ZFHX3: variants seen among roughly 807,000 people sequenced by gnomAD.
ZFHX3 encodes zinc finger homeobox 3, also known as zinc finger homeobox protein 3.
In ZFHX3, 42 loss-of-function variants were observed where a neutral mutation model predicts 279.1. The ratio of observed to expected loss-of-function variants is 0.15; its 90% CI spans 0.12 to 0.19. The LOEUF (loss-of-function observed/expected upper bound fraction) is 0.19. Among genes scored for constraint, ZFHX3 ranks in the 10% least tolerant of loss-of-function variants. The pLI is 1.00. For missense variants in ZFHX3, 4,981 were observed against 4,754.0 expected (o/e 1.05, Z -1.40); for synonymous variants, 2,293 against 1,957.8 (o/e 1.17, Z -4.52).
intron 4 of ZFHX3, among the ~76,000 whole-genome samples, chr16:73,303,192 T>G (rs146672201): frequency 9.2e-5 from 14 of 152,172 alleles, no homozygotes; most frequent in Non-Finnish European, 1.9e-4. Context: ...CCATGCCTGG[T>G]GAAGTTTTAA....
At chr16:72,872,221 T>TA (rs1218670373) in intron 4 of ZFHX3, among the ~76,000 whole-genome samples, 4 of 152,226 alleles carry the variant, frequency 2.6e-5, no homozygotes, top group Admixed American at 1.3e-4. Flanking sequence ...TATGCATATT[T>TA]CAGATGATAT....
chr16:73,268,414 G>A (rs760673338), intron 4 of ZFHX3, among the ~76,000 whole-genome samples: 6 of 152,156 alleles, frequency 3.9e-5, no homozygotes, highest in South Asian at 2.1e-4. Flanking sequence ...GTTACCCAGC[G>A]AGAGTCACGT....
At chr16:73,682,979 A>G (rs1216754437) in intron 1 of ZFHX3, among the ~76,000 whole-genome samples, 3 of 23,228 alleles carry the variant, frequency 1.3e-4, no homozygotes, top group African/African-American at 1.6e-4. Flanking sequence ...AGAAAGAAAG[A>G]AAGAAAGAAA....
At chr16:73,865,501 C>A (rs569551807) in intron 1 of ZFHX3, among the ~76,000 whole-genome samples, 1 of 152,288 alleles carries the variant, frequency 6.6e-6, no homozygotes, top group African/African-American at 2.4e-5. Context: ...GATCCCCTAA[C>A]CTCCCAACTC....
At chr16:73,284,985 C>A (rs2014556906) in intron 4 of ZFHX3, among the ~76,000 whole-genome samples, 1 of 152,312 alleles carries the variant, frequency 6.6e-6, no homozygotes, top group Non-Finnish European at 1.5e-5. Context: ...AGTCTACAGG[C>A]CTGCACCAGC....
intron 3 of ZFHX3, chr16:73,318,350 G>A (rs910719138): frequency 6.6e-6 from 1 of 152,134 alleles, no homozygotes; most frequent in African/African-American, 2.4e-5. Flanking sequence ...CACGTGTCCA[G>A]GTACAGAATT....
intron 2 of ZFHX3, among the ~76,000 whole-genome samples, chr16:73,606,142 A>C (rs191020889): frequency 1.4e-3 from 184 of 128,012 alleles, no homozygotes; most frequent in African/African-American, 5.0e-3. Context: ...AGATTGTGCC[A>C]CTGCACTCCA....
At chr16:73,443,364 T>C (rs1248477236) in intron 3 of ZFHX3, among the ~76,000 whole-genome samples, 1 of 152,214 alleles carries the variant, frequency 6.6e-6, no homozygotes, top group African/African-American at 2.4e-5. Flanking sequence ...ACTCAGAGAA[T>C]AATCAGAGTT....
chr16:73,357,540 T>C (rs776073720), intron 3 of ZFHX3, among the ~76,000 whole-genome samples: 3 of 152,160 alleles, frequency 2.0e-5, no homozygotes, highest in South Asian at 2.1e-4. Context: ...TGGGCCCTGT[T>C]ACAGATGAGC....
At chr16:73,833,678 A>T (rs1426580751) in intron 1 of ZFHX3, among the ~76,000 whole-genome samples, 1 of 151,804 alleles carries the variant, frequency 6.6e-6, no homozygotes, top group Non-Finnish European at 1.5e-5. Flanking sequence ...GGGTGCAGCA[A>T]ACCACCATGG....
intron 2 of ZFHX3, among the ~76,000 whole-genome samples, chr16:73,547,333 T>C (rs2020136141): frequency 6.6e-6 from 1 of 152,168 alleles, no homozygotes; most frequent in Non-Finnish European, 1.5e-5. Context: ...ACCTGTACTA[T>C]CAAAGCTAAT....
intron 1 of ZFHX3, among the ~76,000 whole-genome samples, chr16:73,876,057 C>T (rs890847699): frequency 2.0e-5 from 3 of 152,118 alleles, no homozygotes; most frequent in Non-Finnish European, 2.9e-5. Flanking sequence ...GACCCCAAAC[C>T]GTCCAGTGTC....
At chr16:73,523,985 T>C (rs2019649994) in intron 2 of ZFHX3, among the ~76,000 whole-genome samples, 1 of 152,176 alleles carries the variant, frequency 6.6e-6, no homozygotes, top group South Asian at 2.1e-4. Context: ...TTCCAGTAAA[T>C]AGTAGCCTTA....
At chr16:72,955,887 T>A (rs1398926169) in intron 2 of ZFHX3, among the ~76,000 whole-genome samples, 2 of 151,298 alleles carry the variant, frequency 1.3e-5, no homozygotes, top group African/African-American at 4.8e-5. Context: ...AAGATCTACC[T>A]CCCGAGATTC....
rs2035264199 is a variant in ZFHX3 at position 72,784,462 on chromosome 16, C to CACAT, written c.*2698_*2701dup. On this transcript the variant is annotated 3_prime_UTR_variant, in exon 10 of 10. Coordinates refer to ENST00000268489, the MANE Select transcript of ZFHX3 (RefSeq NM_006885.4). ...CTAGTGTTACATTGTTAACTGATAT[C>CACAT]ACATAGAGAACCAAAAACAAAAACA... 1 of 152,252 alleles carries CACAT rather than the reference C, an allele frequency of 6.6e-6. No individual in the cohort carries two copies. The highest frequency in any genetic ancestry group is 2.1e-4 in the South Asian group (1 of 4,818). The allele number at this position is 152,252 out of a possible 1,614,324, so 9.4% of individuals were successfully genotyped here. A position where few individuals can be genotyped will look rare whatever the true frequency, so the allele number is the denominator to read the frequency against.
In ZFHX3 at chr16:73,686,711, C is replaced by T. The variant is rs2053088595; in HGVS notation, c.-1607-6471G>A. Among the ~76,000 whole-genome samples the T allele has an allele frequency of 2.0e-5, 3 of 152,052 alleles. No homozygotes were observed. In the South Asian group the frequency reaches 6.2e-4, roughly 32 times the overall value. ...CCCTCAACAGACTGAACCCATTGTACTAACTATAAAAGCAGTCAGGCCTAG... is the reference window on the plus strand; with the variant it reads ...CCCTCAACAGACTGAACCCATTGTATTAACTATAAAAGCAGTCAGGCCTAG... On this transcript the variant is annotated intron_variant, in intron 1 of 17. Transcript: ENST00000641206.
At chr16:73,834,353 TGTAGA>T (rs1438346300) in intron 1 of ZFHX3, among the ~76,000 whole-genome samples, 5 of 152,200 alleles carry the variant, frequency 3.3e-5, no homozygotes, top group African/African-American at 1.2e-4. Context: ...AGTTGTAGGA[TGTAGA>T]GTAAACTGTC....
intron 1 of ZFHX3, among the ~76,000 whole-genome samples, chr16:73,857,280 T>C (rs1311129188): frequency 1.3e-5 from 2 of 152,210 alleles, no homozygotes; most frequent in African/African-American, 4.8e-5. Context: ...TAAAATGCAA[T>C]ATACTGAAAC....
chr16:73,560,828 G>A (rs893716014), intron 2 of ZFHX3, among the ~76,000 whole-genome samples: 1 of 152,166 alleles, frequency 6.6e-6, no homozygotes, highest in Non-Finnish European at 1.5e-5. Context: ...TAGCACCTCA[G>A]GTCAAAGACA....
Sources: allele counts gnomAD v4.1 joint callset (sites outside exome capture counted in the v4.1 genomes callset), GRCh38; gene constraint gnomAD v4.1.1; transcripts MANE v1.5; gene names NCBI Gene and HGNC (gene_info 2026-07-23, HGNC 2026-07-21).